The following KLHL32 variants were observed in gnomAD, a reference collection of about 807,000 sequenced individuals.
The protein encoded by KLHL32 is kelch-like protein 32.
Under a neutral mutation model 64.8 loss-of-function variants are expected in KLHL32, and 35 were observed. That is an observed-to-expected ratio of 0.54 (90% confidence interval 0.41 to 0.72). The LOEUF (loss-of-function observed/expected upper bound fraction) is 0.72. Ranked by LOEUF, KLHL32 falls within the 30% of genes least tolerant of loss-of-function variation. The probability of loss-of-function intolerance (pLI) is 0.00; values close to 1 mark genes in which losing one functional copy is unlikely to be tolerated. For missense variants in KLHL32, 589 were observed against 768.5 expected, an observed-to-expected ratio of 0.77 and a Z score of 2.76; for synonymous variants, 259 against 281.0, an observed-to-expected ratio of 0.92 and a Z score of 0.78.
At chr6:97,010,419 A>G (rs1195569418) in intron 3 of KLHL32, among the ~76,000 whole-genome samples, 1 of 152,196 alleles carries the variant, frequency 6.6e-6, no homozygotes, top group Admixed American at 6.5e-5. Context: ...TTTGCAGATA[A>G]TAAGTGTAGC....
intron 3 of KLHL32, among the ~76,000 whole-genome samples, chr6:97,038,603 G>T (rs1407026576): frequency 6.6e-6 from 1 of 151,972 alleles, no homozygotes; most frequent in African/African-American, 2.4e-5. Context: ...TGGTATGGAG[G>T]TTCCTCAAGA....
rs576020277 is a variant in KLHL32 at position 97,058,244 on chromosome 6, A to G, written c.313-6384A>G. Among the ~76,000 whole-genome samples, 12 of 152,170 alleles carry G rather than the reference A, an allele frequency of 7.9e-5. 1 individual carries two copies. The East Asian group carries it at 1.4e-3, about 17-fold the overall frequency. On this transcript the variant is annotated intron_variant, in intron 4 of 10. Transcript: ENST00000369261. ...TTTTGGGTCTTTTGCTTCTTCATAT[A>G]AGCTTTAGAATCTGTTTGTTAATAC...
intron 3 of KLHL32, among the ~76,000 whole-genome samples, chr6:96,979,542 C>T (rs55736531): frequency 5.5e-4 from 84 of 152,248 alleles, no homozygotes; most frequent in African/African-American, 1.9e-3. Flanking sequence ...TTATTGTAGC[C>T]TTGTAGTATA....
the KLHL32 span, among the ~76,000 whole-genome samples, chr6:96,901,417 T>G: frequency 6.6e-6 from 1 of 152,030 alleles, no homozygotes; most frequent in Non-Finnish European, 1.5e-5. Context: ...CACTTCATTG[T>G]CACATTTCCT....
chr6:97,016,857 A>G (rs1781273593), intron 3 of KLHL32, among the ~76,000 whole-genome samples: 1 of 152,138 alleles, frequency 6.6e-6, no homozygotes, highest in Admixed American at 6.5e-5. Context: ...ATAATGAGTG[A>G]GTTCTCACAA....
intron 1 of KLHL32, among the ~76,000 whole-genome samples, chr6:96,926,101 G>A (rs1317169775): frequency 6.6e-6 from 1 of 152,122 alleles, no homozygotes; most frequent in African/African-American, 2.4e-5. Context: ...AGTACTTGAA[G>A]GCATCAGCAA....
chr6:97,070,014 C>T (rs1318844126), intron 5 of KLHL32, among the ~76,000 whole-genome samples: 1 of 151,854 alleles, frequency 6.6e-6, no homozygotes, highest in Admixed American at 6.6e-5. Flanking sequence ...AAGACAATAA[C>T]TTCTCCTCAA....
At chr6:97,031,390 C>A (rs1177789000) in intron 3 of KLHL32, among the ~76,000 whole-genome samples, 1 of 151,514 alleles carries the variant, frequency 6.6e-6, no homozygotes, top group East Asian at 1.9e-4. Flanking sequence ...AGCTGGAGTG[C>A]AGTGGTGTGA....
chr6:97,056,106 C>CTTTTTTTTT (rs1171932769), intron 4 of KLHL32, among the ~76,000 whole-genome samples: 44 of 85,068 alleles, frequency 5.2e-4, no homozygotes, highest in South Asian at 9.9e-4. Context: ...CTTTTTTTTT[C>CTTTTTTTTT]TTTTTTTTTT....
At chr6:96,966,030 A>G (rs915043344) in intron 1 of KLHL32, among the ~76,000 whole-genome samples, 4 of 152,250 alleles carry the variant, frequency 2.6e-5, no homozygotes, top group Non-Finnish European at 4.4e-5. Flanking sequence ...AACAAATATT[A>G]TATTTCACTC....
chr6:97,014,400 G>A (rs1178413350), intron 3 of KLHL32, among the ~76,000 whole-genome samples: 1 of 151,484 alleles, frequency 6.6e-6, no homozygotes, highest in African/African-American at 2.4e-5. Context: ...TTGGTATATA[G>A]TATGTCTATA....
chr6:97,084,494 A>T lies in KLHL32; in HGVS notation c.412-632A>T, dbSNP rs549232839. Among the ~76,000 whole-genome samples, 5 of 152,334 alleles carry T rather than the reference A, an allele frequency of 3.3e-5. No homozygotes were observed. In the South Asian group the frequency reaches 1.0e-3, roughly 32 times the overall value. On this transcript the variant is annotated intron_variant, in intron 5 of 10. Coordinates refer to ENST00000369261, the MANE Select transcript of KLHL32 (RefSeq NM_052904.4). ...AATGGAATGTCTGAGGCTGAGAAAA[A>T]AACAAAGAACAATTACAAATCATCC...
chr6:96,954,526 T>C (rs978448876), intron 1 of KLHL32, among the ~76,000 whole-genome samples: 1 of 152,266 alleles, frequency 6.6e-6, no homozygotes, highest in African/African-American at 2.4e-5. Flanking sequence ...GGTTTGGTGT[T>C]GGCTTAGTTA....
At chr6:97,063,898 C>T (rs886542246) in intron 4 of KLHL32, among the ~76,000 whole-genome samples, 12 of 152,126 alleles carry the variant, frequency 7.9e-5, no homozygotes, top group African/African-American at 2.4e-4. Context: ...GGTCGTGTGC[C>T]TTTTTTCCAG....
intron 3 of KLHL32, among the ~76,000 whole-genome samples, chr6:97,020,953 T>C (rs1781904302): frequency 6.6e-6 from 1 of 150,994 alleles, no homozygotes; most frequent in Admixed American, 6.5e-5. Context: ...CACACATACA[T>C]GTATTCCTAT....
intron 2 of KLHL32, among the ~76,000 whole-genome samples, chr6:96,974,011 C>T (rs935664793): frequency 2.0e-5 from 3 of 152,044 alleles, no homozygotes; most frequent in South Asian, 2.1e-4. Context: ...CATGAGCCAC[C>T]GTACCTGACT....
chr6:96,957,474 G>C (rs1463018559), intron 1 of KLHL32, among the ~76,000 whole-genome samples: 1 of 152,076 alleles, frequency 6.6e-6, no homozygotes, highest in Non-Finnish European at 1.5e-5. Context: ...AAACACTCAA[G>C]ATCTACATTG....
chr6:96,975,915 T>C, intron 2 of KLHL32, 82 bp from the exon 3 acceptor site: 1 of 1,158,748 alleles, frequency 8.6e-7, no homozygotes, highest in South Asian at 1.8e-5. Flanking sequence ...GTTGCCTCAG[T>C]CGATGTTCAA....
intron 2 of KLHL32, among the ~76,000 whole-genome samples, chr6:96,969,137 A>C (rs1774831382): frequency 6.6e-6 from 1 of 152,126 alleles, no homozygotes; most frequent in African/African-American, 2.4e-5. Context: ...GTCAGCCTGG[A>C]GGATATGTCT....
Sources: gnomAD v4.1 joint callset for allele counts (sites outside exome capture counted in the v4.1 genomes callset) on GRCh38, gnomAD v4.1.1 for gene constraint, MANE v1.5 for transcripts, NCBI Gene and HGNC (gene_info 2026-07-23, HGNC 2026-07-21) for gene names.